Variants in SLC14A2 observed in about 807,000 individuals in gnomAD.
SLC14A2 encodes the protein urea transporter 2.
Under a neutral mutation model 104.6 loss-of-function variants are expected in SLC14A2, and 91 were observed. The ratio of observed to expected loss-of-function variants is 0.87; its 90% confidence interval spans 0.73 to 1.04. The LOEUF is 1.04. Ranked by LOEUF, SLC14A2 falls within the 50% of genes least tolerant of loss-of-function variation. The pLI is 0.00. For synonymous variants in SLC14A2, 476 were observed against 466.4 expected, an observed-to-expected ratio of 1.02 and a Z score of -0.27; for missense variants, 1,189 against 1,156.0, an observed-to-expected ratio of 1.03 and a Z score of -0.41.
upstream of SLC14A2, among the ~76,000 whole-genome samples, chr18:45,612,276 C>T (rs2044985112): frequency 6.6e-6 from 1 of 152,208 alleles, no homozygotes; most frequent in Admixed American, 6.5e-5. Context: ...ACTCTGCGGG[C>T]TGGCAAGATA....
chr18:45,268,853 A>G (rs2084620319), intron 1 of SLC14A2, among the ~76,000 whole-genome samples: 5 of 152,194 alleles, frequency 3.3e-5, no homozygotes, highest in South Asian at 4.1e-4. Flanking sequence ...ATTGTCCAGC[A>G]GGTTAGAGCA....
chr18:45,177,396 A>T, the SLC14A2 span, among the ~76,000 whole-genome samples: 1 of 152,204 alleles, frequency 6.6e-6, no homozygotes, highest in Non-Finnish European at 1.5e-5. Context: ...AATGAAGATC[A>T]GTGTCCTTAA....
intron 3 of SLC14A2, 112 bp downstream of exon 3, chr18:45,625,975 G>A: frequency 3.6e-6 from 3 of 823,742 alleles, no homozygotes; most frequent in Non-Finnish European, 5.1e-6. Flanking sequence ...CACCCTGGGT[G>A]GATCTGCCCA....
intron 1 of SLC14A2, among the ~76,000 whole-genome samples, chr18:45,351,599 C>T (rs1568163338): frequency 6.6e-6 from 1 of 152,174 alleles, no homozygotes; most frequent in Non-Finnish European, 1.5e-5. Flanking sequence ...AAGTGATCCT[C>T]CCACCTGAGC....
At chr18:45,218,296 G>A (rs2084028727) in intron 1 of SLC14A2, among the ~76,000 whole-genome samples, 1 of 152,146 alleles carries the variant, frequency 6.6e-6, no homozygotes, top group Non-Finnish European at 1.5e-5. Context: ...ATTTGGCTTA[G>A]CAAAACATCT....
intron 1 of SLC14A2, among the ~76,000 whole-genome samples, chr18:45,280,937 C>T (rs1024617852): frequency 9.9e-5 from 15 of 152,114 alleles, no homozygotes; most frequent in East Asian, 1.9e-4. Context: ...CCCTCCACTT[C>T]GAAAAGAATT....
intron 1 of SLC14A2, among the ~76,000 whole-genome samples, chr18:45,403,138 T>C (rs2086114215): frequency 6.6e-6 from 1 of 152,168 alleles, no homozygotes; most frequent in Admixed American, 6.5e-5. Flanking sequence ...CCTTCTCGGC[T>C]TTCAGATAGC....
chr18:45,287,216 A>G (rs1010694997), intron 1 of SLC14A2, among the ~76,000 whole-genome samples: 3 of 152,242 alleles, frequency 2.0e-5, no homozygotes, highest in Admixed American at 6.5e-5. Flanking sequence ...ACACCTGCTT[A>G]GAAGAGGGAA....
At chr18:45,190,512 T>A in the SLC14A2 span, among the ~76,000 whole-genome samples, 1 of 152,122 alleles carries the variant, frequency 6.6e-6, no homozygotes, top group Non-Finnish European at 1.5e-5. Flanking sequence ...AGATGATGAG[T>A]GTGAGCAGTT....
At chr18:45,614,183 C>A (rs1236708751), upstream of SLC14A2, among the ~76,000 whole-genome samples, 5 of 152,250 alleles carry the variant, frequency 3.3e-5, no homozygotes, top group Non-Finnish European at 7.3e-5. Context: ...CAAGCCTCAA[C>A]CCATGGCGGC....
At chr18:45,303,511 T>G (rs557864170) in intron 1 of SLC14A2, among the ~76,000 whole-genome samples, 1 of 152,352 alleles carries the variant, frequency 6.6e-6, no homozygotes, top group South Asian at 2.1e-4. Flanking sequence ...CAGGGCCTCA[T>G]GTGGACATTG....
At chr18:45,632,595 T>A in intron 5 of SLC14A2, 117 bp downstream of exon 5, 1 of 1,131,570 alleles carries the variant, frequency 8.8e-7, no homozygotes, top group South Asian at 1.5e-5. Flanking sequence ...ATAGCCAAGT[T>A]AGCTTGTCTG....
At chr18:45,666,432 G>A (rs2046025242) in intron 12 of SLC14A2, among the ~76,000 whole-genome samples, 1 of 152,004 alleles carries the variant, frequency 6.6e-6, no homozygotes, top group Non-Finnish European at 1.5e-5. Context: ...ATTATTATCA[G>A]GCTTCCTTTA....
At chr18:45,508,512 G>C (rs142434704) in intron 2 of SLC14A2, among the ~76,000 whole-genome samples, 173 of 152,338 alleles carry the variant, frequency 1.1e-3, no homozygotes, top group African/African-American at 3.9e-3. Flanking sequence ...GGCTTCCTTA[G>C]CCATGTGGAA....
chr18:45,632,075 G>A (rs2045352840), intron 4 of SLC14A2, among the ~76,000 whole-genome samples: 2 of 152,074 alleles, frequency 1.3e-5, no homozygotes, highest in South Asian at 4.1e-4. Context: ...TGATAAAGAA[G>A]AGCTTAACCA....
rs550490461 is a variant in SLC14A2 at position 45,545,588 on chromosome 18, G to A, written c.-35+62266G>A. ...GATTTTTATAATTATCAAGAAACACGCCATGATATTCAGTATTGTCAGACA... is the reference window on the plus strand; with the variant it reads ...GATTTTTATAATTATCAAGAAACACACCATGATATTCAGTATTGTCAGACA... On this transcript the variant is annotated intron_variant, in intron 2 of 20. Coordinates refer to the SLC14A2 transcript ENST00000586448. 3.0e-4 allele frequency among the ~76,000 whole-genome samples: 45 copies of A among 152,264 alleles called. No homozygotes were observed. The South Asian group carries it at 3.5e-3, about 12-fold the overall frequency.
intron 18 of SLC14A2, among the ~76,000 whole-genome samples, chr18:45,675,701 ATATATATATTT>A (rs1315906632): frequency 4.7e-5 from 3 of 63,974 alleles, no homozygotes; most frequent in African/African-American, 1.8e-4. Flanking sequence ...ATATATATAT[ATATATATATTT>A]TTTTTTTTTT....
chr18:45,361,298 T>C (rs1264152792), intron 1 of SLC14A2, among the ~76,000 whole-genome samples: 1 of 152,166 alleles, frequency 6.6e-6, no homozygotes, highest in African/African-American at 2.4e-5. Flanking sequence ...CAGTGTTTTT[T>C]GTTATAAGGG....
chr18:45,506,809 C>A (rs1271584164), intron 2 of SLC14A2, among the ~76,000 whole-genome samples: 1 of 152,156 alleles, frequency 6.6e-6, no homozygotes, highest in Non-Finnish European at 1.5e-5. Context: ...TCACAGCAGT[C>A]CTAAGAAACT....
Sources: allele counts gnomAD v4.1 joint callset (sites outside exome capture counted in the v4.1 genomes callset), GRCh38; gene constraint gnomAD v4.1.1; transcripts MANE v1.5; gene names NCBI Gene and HGNC (gene_info 2026-07-23, HGNC 2026-07-21).